Variants in OSBPL10 observed in about 807,000 individuals in gnomAD.
The protein encoded by OSBPL10 is oxysterol-binding protein-related protein 10.
OSBPL10 carries 49 observed loss-of-function variants against 81.7 expected under a neutral mutation model. The observed-to-expected ratio is 0.60, with a 90% CI of 0.48 to 0.76. OSBPL10 has a LOEUF of 0.76. Ranked by LOEUF, OSBPL10 falls within the 30% of genes least tolerant of loss-of-function variation. OSBPL10 has a pLI of 0.00. For missense variants in OSBPL10, 923 were observed against 987.8 expected (o/e 0.93, Z 0.88); for synonymous variants, 419 against 383.6 (o/e 1.09, Z -1.08).
At chr3:32,074,987 G>C (rs925915071) in intron 1 of OSBPL10, among the ~76,000 whole-genome samples, 4 of 149,654 alleles carry the variant, frequency 2.7e-5, no homozygotes, top group Admixed American at 2.6e-4. Flanking sequence ...AACAACTGCG[G>C]GTCCCCCTCA....
chr3:31,792,740 AGTGTGTGTGTGT>A (rs10575874), intron 4 of OSBPL10, among the ~76,000 whole-genome samples: 6,230 of 133,676 alleles, frequency 0.047, 461 homozygotes, highest in African/African-American at 0.16. Flanking sequence ...CCAGACACAG[AGTGTGTGTGTGT>A]GTGTGTGTGT....
At chr3:31,761,813 T>TAAAAAAAAAAAAAAACAAAAAAA (rs1698050115) in intron 4 of OSBPL10, among the ~76,000 whole-genome samples, 1 of 107,554 alleles carries the variant, frequency 9.3e-6, no homozygotes, top group African/African-American at 6.4e-5. Context: ...AGACTGTCTC[T>TAAAAAAAAAAAAAAACAAAAAAA]AAAAAAAAAA....
chr3:31,995,463 GCCCA>G (rs1699081844), intron 2 of OSBPL10, among the ~76,000 whole-genome samples: 2 of 152,006 alleles, frequency 1.3e-5, no homozygotes, highest in Non-Finnish European at 2.9e-5. Flanking sequence ...GGCTCTTTTT[GCCCA>G]ACCCTGCAGG....
Position 31,812,712 on chromosome 3 carries a change from C to CAAAAA in OSBPL10, c.729+17323_729+17327dup, listed in dbSNP as rs563030191. Among the ~76,000 whole-genome samples, 4 of 34,204 alleles carry CAAAAA rather than the reference C, an allele frequency of 1.2e-4. 1 individual carries two copies. In the East Asian group the frequency reaches 2.3e-3, roughly 20 times the overall value. The allele number at this position is 34,204 out of a possible 152,430, so 22.4% of individuals were successfully genotyped here. A position where few individuals can be genotyped will look rare whatever the true frequency, so the allele number is the denominator to read the frequency against. Reference sequence around the variant, plus strand: ...TATGCTGGAATCTCTACACAGTAGGCAAAAAAAAAGAAAGAAAGAAAGAAA... The same window carrying CAAAAA: ...TATGCTGGAATCTCTACACAGTAGGCAAAAAAAAAAAAAAGAAAGAAAGAAAGAAA... On this transcript the variant is annotated intron_variant, in intron 4 of 11. Transcript: ENST00000396556.
intron 4 of OSBPL10, among the ~76,000 whole-genome samples, chr3:31,804,345 C>G (rs547931798): frequency 6.6e-6 from 1 of 152,034 alleles, no homozygotes; most frequent in Non-Finnish European, 1.5e-5. Flanking sequence ...ATTAGAAAAA[C>G]GAGGCAAGGA....
intron 3 of OSBPL10, among the ~76,000 whole-genome samples, chr3:31,870,355 G>C (rs570992437): frequency 1.9e-4 from 29 of 152,362 alleles, no homozygotes; most frequent in African/African-American, 7.0e-4. Flanking sequence ...CTTTCCCGCG[G>C]GGCAGGGCTC....
intron 1 of OSBPL10, among the ~76,000 whole-genome samples, chr3:31,950,463 A>G (rs955572432): frequency 2.6e-5 from 4 of 152,208 alleles, no homozygotes; most frequent in African/African-American, 9.7e-5. Flanking sequence ...TATATCAAAA[A>G]CTAGAAAAGG....
chr3:31,994,531 T>TGGAC (rs1353873164), intron 2 of OSBPL10, among the ~76,000 whole-genome samples: 1 of 151,026 alleles, frequency 6.6e-6, no homozygotes, highest in Non-Finnish European at 1.5e-5. Context: ...GATGGATGGA[T>TGGAC]GGATGGTCTG....
intron 4 of OSBPL10, among the ~76,000 whole-genome samples, chr3:31,782,778 C>A (rs937838561): frequency 6.6e-6 from 1 of 151,936 alleles, no homozygotes; most frequent in African/African-American, 2.4e-5. Flanking sequence ...ATTTAAAAAT[C>A]AAAAAATAAC....
chr3:31,788,436 G>A (rs1179570454), intron 4 of OSBPL10, among the ~76,000 whole-genome samples: 1 of 152,158 alleles, frequency 6.6e-6, no homozygotes, highest in African/African-American at 2.4e-5. Context: ...GCTGGTGACA[G>A]GTAAGCATAT....
At chr3:31,947,803 A>T (rs1697745005) in intron 1 of OSBPL10, among the ~76,000 whole-genome samples, 1 of 151,716 alleles carries the variant, frequency 6.6e-6, no homozygotes. Flanking sequence ...GGCGACTCCT[A>T]TGCAAATGAG....
At chr3:31,774,055 A>G (rs918476233) in intron 4 of OSBPL10, among the ~76,000 whole-genome samples, 43 of 151,634 alleles carry the variant, frequency 2.8e-4, no homozygotes, top group Admixed American at 1.1e-3. Flanking sequence ...CCAGCTACTC[A>G]GGAGGTTGAG....
intron 1 of OSBPL10, among the ~76,000 whole-genome samples, chr3:31,942,192 G>A (rs369256689): frequency 2.0e-5 from 3 of 152,214 alleles, no homozygotes; most frequent in East Asian, 3.9e-4. Context: ...GAACAATGGC[G>A]TGAACCTGGG....
chr3:32,051,477 A>C (rs1699669912), intron 1 of OSBPL10, among the ~76,000 whole-genome samples: 1 of 152,182 alleles, frequency 6.6e-6, no homozygotes, highest in African/African-American at 2.4e-5. Flanking sequence ...TGGATTAGAG[A>C]AGCATGCTCT....
chr3:31,829,436 T>C (rs951857115), intron 4 of OSBPL10, among the ~76,000 whole-genome samples: 1 of 152,206 alleles, frequency 6.6e-6, no homozygotes, highest in African/African-American at 2.4e-5. Context: ...GTTTTCATTG[T>C]CACAAATGAT....
intron 1 of OSBPL10, among the ~76,000 whole-genome samples, chr3:31,951,324 A>G (rs1249921345): frequency 6.6e-6 from 1 of 152,200 alleles, no homozygotes; most frequent in Non-Finnish European, 1.5e-5. Flanking sequence ...AAAATATAAA[A>G]CTGAGAAACA....
chr3:31,930,574 T>C (rs539725567), intron 1 of OSBPL10, among the ~76,000 whole-genome samples: 1 of 152,326 alleles, frequency 6.6e-6, no homozygotes, highest in African/African-American at 2.4e-5. Flanking sequence ...TGAGCATCCA[T>C]AGCAGAATGA....
At chr3:31,712,704 C>T (rs879508671) in intron 6 of OSBPL10, among the ~76,000 whole-genome samples, 7 of 152,226 alleles carry the variant, frequency 4.6e-5, no homozygotes, top group East Asian at 1.9e-4. Context: ...TGCAGAACTA[C>T]GAGATGATAA....
At chr3:31,743,974 T>C (rs1697440484) in intron 5 of OSBPL10, among the ~76,000 whole-genome samples, 1 of 152,216 alleles carries the variant, frequency 6.6e-6, no homozygotes, top group Non-Finnish European at 1.5e-5. Context: ...TATTCTCTAT[T>C]CTCTTATCCC....
Sources: gnomAD v4.1 joint callset for allele counts (sites outside exome capture counted in the v4.1 genomes callset) on GRCh38, gnomAD v4.1.1 for gene constraint, MANE v1.5 for transcripts, NCBI Gene and HGNC (gene_info 2026-07-23, HGNC 2026-07-21) for gene names.